Variants in BTD observed in about 807,000 individuals in gnomAD.
The protein encoded by BTD is biotinidase, also known as biocytinase.
A neutral mutation model predicts 17.7 loss-of-function variants in BTD; 13 were observed. The observed-to-expected ratio is 0.74, with a 90% CI of 0.48 to 1.17. BTD has a LOEUF of 1.17. Ranked by LOEUF, BTD falls within the 50% of genes most tolerant of loss-of-function variation. BTD has a pLI of 0.00. For missense variants in BTD, 674 were observed against 650.4 expected (o/e 1.04, Z -0.39); for synonymous variants, 240 against 245.2 (o/e 0.98, Z 0.20).
rs753466926 is a variant in BTD at position 15,644,913 on chromosome 3, G to A, written c.997G>A (p.Glu333Lys). ...GLIGAENATGETDPSHSKFLK... is the reference protein window; with the variant it reads ...GLIGAENATGKTDPSHSKFLK... ...CATTGGTGCAGAGAATGCAACAGGT[G>A]AAACGGACCCATCCCATAGTAAGTT... is the stretch of plus-strand genomic sequence containing the variant. The change falls in exon 4 of 4, where the codon GAA becomes AAA. Residue 333 changes from glutamate (E) to lysine (K), a missense_variant. Physicochemically the swap from Glu to Lys is moderately conservative, Grantham distance 56 (BLOSUM62 1). Transcript: ENST00000643237. 3.5e-5 allele frequency: 56 copies of A among 1,614,160 alleles called. No individual in the cohort carries two copies. The East Asian group carries it at 1.2e-3, about 35-fold the overall frequency.
downstream of BTD, chr3:15,713,489 T>C: frequency 1.1e-5 from 16 of 1,515,962 alleles, no homozygotes; most frequent in Non-Finnish European, 1.4e-5. Context: ...CCTTTGTGCT[T>C]GCCTGTATCA....
At chr3:15,603,240 A>G (rs1466663457) in intron 1 of BTD, among the ~76,000 whole-genome samples, 1 of 152,144 alleles carries the variant, frequency 6.6e-6, no homozygotes, top group Non-Finnish European at 1.5e-5. Context: ...TTTCAAAACC[A>G]ATCATGCCTT....
chr3:15,602,540 C>T (rs1406604341), intron 1 of BTD, among the ~76,000 whole-genome samples: 1 of 152,102 alleles, frequency 6.6e-6, no homozygotes, highest in Non-Finnish European at 1.5e-5. Flanking sequence ...TGCTCAGTGA[C>T]AATAAACATA....
chr3:15,634,155 A>G (rs964521961), intron 1 of BTD, among the ~76,000 whole-genome samples: 8 of 152,226 alleles, frequency 5.3e-5, no homozygotes, highest in African/African-American at 1.7e-4. Context: ...GAAAAGAGCT[A>G]TGGTTTGTTT....
intron 3 of BTD, chr3:15,690,158 G>C: frequency 9.9e-6 from 16 of 1,609,398 alleles, no homozygotes; most frequent in Non-Finnish European, 1.4e-5. Context: ...TACTATTTCT[G>C]ACATCAAGAT....
downstream of BTD, chr3:15,713,580 A>G: frequency 2.5e-6 from 4 of 1,611,404 alleles, no homozygotes; most frequent in South Asian, 1.1e-5. Context: ...GCTCATGGCC[A>G]TACCGTGCTG....
intron 1 of BTD, among the ~76,000 whole-genome samples, chr3:15,633,144 T>A (rs920928081): frequency 6.6e-6 from 1 of 152,228 alleles, no homozygotes; most frequent in Non-Finnish European, 1.5e-5. Context: ...ATTGTTATAC[T>A]GTATTTTTTA....
rs2065729976 is a variant in BTD at position 15,647,870 on chromosome 3, A to G, written c.*2382A>G. 6.6e-6 allele frequency among the ~76,000 whole-genome samples: 1 copy of G among 152,158 alleles called. No homozygotes were observed. Among genetic ancestry groups the G allele is most frequent in the Non-Finnish European group, 1.5e-5 (1 of 68,010 alleles). ...GAGAGGCACAGTGAGCTGTATTCACACTGGATTTAAAAGCCCTGTTCTTAG... is the reference window on the plus strand; with the variant it reads ...GAGAGGCACAGTGAGCTGTATTCACGCTGGATTTAAAAGCCCTGTTCTTAG... On this transcript the variant is annotated 3_prime_UTR_variant, in exon 4 of 4. Transcript: ENST00000643237.
chr3:15,602,024 G>A, intron 1 of BTD, 130 bp downstream of exon 1: 1 of 1,498,018 alleles, frequency 6.7e-7, no homozygotes, highest in Non-Finnish European at 8.9e-7. Context: ...AGCCCGGCGC[G>A]CGTCGTTTGC....
chr3:15,612,002 T>C (rs937852680), intron 1 of BTD, among the ~76,000 whole-genome samples: 2 of 151,972 alleles, frequency 1.3e-5, no homozygotes, highest in South Asian at 4.1e-4. Context: ...AAACAACAAC[T>C]CCTTGGACAT....
At position 15,645,148 on chromosome 3, in the gene BTD, C is replaced by T; in HGVS notation, c.1232C>T (p.Pro411Leu). The T allele has an allele frequency of 6.2e-7, 1 of 1,614,150 alleles. No individual in the cohort carries two copies. The highest frequency in any genetic ancestry group is 1.6e-4 in the Middle Eastern group (1 of 6,062). Residue 411 changes from proline to leucine, a missense_variant, in exon 4 of 4, where the codon CCC becomes CTC. Physicochemically the swap from Pro to Leu is moderately conservative, Grantham distance 98 (BLOSUM62 -3). Transcript: ENST00000643237. ...TGCTGTTATTTACTTTACGAGAGGCCCACCTTATCCAAAGAGCTGTATGCC... is the reference window on the plus strand; with the variant it reads ...TGCTGTTATTTACTTTACGAGAGGCTCACCTTATCCAAAGAGCTGTATGCC... ...GLCCYLLYER[P>L]TLSKELYALG...
chr3:15,601,652 G>A, upstream of BTD: 1 of 1,553,480 alleles, frequency 6.4e-7, no homozygotes, highest in Non-Finnish European at 8.7e-7. Context: ...GGAGAGGTGA[G>A]AATGTAAACA....
At chr3:15,701,965 C>G (rs1048674201) in intron 3 of BTD, among the ~76,000 whole-genome samples, 1 of 150,306 alleles carries the variant, frequency 6.7e-6, no homozygotes, top group Non-Finnish European at 1.5e-5. Flanking sequence ...ATCAAGTTCT[C>G]TAGATGTTAG....
At chr3:15,679,413 C>T (rs760478766) in intron 3 of BTD, 2 of 1,613,252 alleles carry the variant, frequency 1.2e-6, no homozygotes, top group South Asian at 2.2e-5. Flanking sequence ...TGATCATTCT[C>T]ACAGCAATGG....
intron 3 of BTD, among the ~76,000 whole-genome samples, chr3:15,706,169 C>T (rs2071356923): frequency 6.6e-6 from 1 of 151,862 alleles, no homozygotes. Flanking sequence ...TATACATGTG[C>T]CACGTTGGTG....
At chr3:15,609,699 T>C (rs1218377166) in intron 1 of BTD, among the ~76,000 whole-genome samples, 1 of 152,226 alleles carries the variant, frequency 6.6e-6, no homozygotes, top group Non-Finnish European at 1.5e-5. Context: ...CGTGTTTCTT[T>C]TTCTGTGAAT....
intron 3 of BTD, among the ~76,000 whole-genome samples, chr3:15,643,130 A>C (rs1012293284): frequency 6.6e-6 from 1 of 152,136 alleles, no homozygotes; most frequent in Admixed American, 6.5e-5. Context: ...CGCTTAAAAA[A>C]CTTTGATTTC....
In BTD at chr3:15,696,201, C is replaced by T. The variant is rs757361546; in HGVS notation, c.400-13859C>T. 6.9e-5 allele frequency: 110 copies of T among 1,592,302 alleles called. No homozygotes were observed. Among genetic ancestry groups the T allele is most frequent in the Non-Finnish European group, 9.0e-5 (105 of 1,167,296 alleles). On this transcript the variant is annotated intron_variant, in intron 3 of 3. Transcript: ENST00000672141. ...AACTGCGTTGTATCCTTGCTTATCA[C>T]GGATCCCTGGATTTGCATCGTTTCT...
intron 3 of BTD, among the ~76,000 whole-genome samples, chr3:15,692,030 T>C (rs2068866722): frequency 6.6e-6 from 1 of 151,496 alleles, no homozygotes; most frequent in Non-Finnish European, 1.5e-5. Flanking sequence ...GTCCCAGCTA[T>C]GCAGGAGGCT....
Sources: allele counts gnomAD v4.1 joint callset (sites outside exome capture counted in the v4.1 genomes callset), GRCh38; gene constraint gnomAD v4.1.1; transcripts MANE v1.5; gene names NCBI Gene and HGNC (gene_info 2026-07-23, HGNC 2026-07-21).